The following TBPL1 variants were observed in gnomAD, a reference collection of about 807,000 sequenced individuals.
TBPL1 encodes TATA box-binding protein-like 1.
Under a neutral mutation model 22.1 loss-of-function variants are expected in TBPL1, and 4 were observed. The ratio of observed to expected loss-of-function variants is 0.18; its 90% CI spans 0.09 to 0.41. TBPL1 has a LOEUF of 0.41. Ranked by LOEUF, TBPL1 falls within the 10% of genes least tolerant of loss-of-function variation. TBPL1 has a pLI of 1.00. For synonymous variants in TBPL1, 64 were observed against 71.0 expected (o/e 0.90, Z 0.50); for missense variants, 115 against 222.3 (o/e 0.52, Z 3.07).
At position 133,983,866 on chromosome 6, in the gene TBPL1, A is replaced by G. The variant is rs998100211; in HGVS notation, c.283-510A>G. ...GAGAAATCCCAATTAGTTAGAAACA[A>G]ATTTATCACTCTATCCCCAGAAAGA... On this transcript the variant is annotated intron_variant, in intron 4 of 6. Coordinates refer to ENST00000237264, the MANE Select transcript of TBPL1 (RefSeq NM_004865.4). Among the ~76,000 whole-genome samples the G allele has an allele frequency of 8.5e-5, 13 of 152,344 alleles. No individual in the cohort carries two copies. The South Asian group carries it at 1.9e-3, about 22-fold the overall frequency.
chr6:133,957,156 C>CAT (rs1775941471), intron 1 of TBPL1, among the ~76,000 whole-genome samples: 1 of 151,920 alleles, frequency 6.6e-6, no homozygotes, highest in Non-Finnish European at 1.5e-5. Context: ...CTATGGATCC[C>CAT]ATTAAATGTT....
chr6:133,957,783 A>T (rs1473928014), intron 1 of TBPL1, among the ~76,000 whole-genome samples: 2 of 152,248 alleles, frequency 1.3e-5, no homozygotes, highest in Non-Finnish European at 1.5e-5. Context: ...AGTTAATACT[A>T]CTACTACGTT....
chr6:133,955,235 A>G (rs1775907275), intron 1 of TBPL1, among the ~76,000 whole-genome samples: 1 of 145,640 alleles, frequency 6.9e-6, no homozygotes, highest in African/African-American at 2.5e-5. Flanking sequence ...ACCCAGATCT[A>G]GTTTGCCGTT....
chr6:133,953,644 T>C (rs1775876698), intron 1 of TBPL1, among the ~76,000 whole-genome samples: 1 of 152,046 alleles, frequency 6.6e-6, no homozygotes, highest in South Asian at 2.1e-4. Flanking sequence ...CCGGGCGATA[T>C]TTGGGGATCT....
At chr6:133,964,115 T>G (rs953210722) in intron 1 of TBPL1, among the ~76,000 whole-genome samples, 2 of 152,164 alleles carry the variant, frequency 1.3e-5, no homozygotes, top group Non-Finnish European at 2.9e-5. Context: ...ACCCATTCTT[T>G]TACTTGTATA....
In TBPL1 at chr6:133,989,662, A is replaced by AT. The variant is rs1374283710; in HGVS notation, c.*2623dup. ...TTTTTATACAGATAATACACTGCAG[A>AT]TCCAGGCCTTTTAGTCAGTCTCCTG... On this transcript the variant is annotated 3_prime_UTR_variant, in exon 7 of 7. Transcript: ENST00000237264. 3 of 152,192 alleles carry AT rather than the reference A, an allele frequency of 2.0e-5. No homozygotes were observed. The highest frequency in any genetic ancestry group is 7.2e-5 in the African/African-American group (3 of 41,442). 9.4% of individuals were successfully genotyped at this position (152,192 alleles called of 1,614,324 possible). A position where few individuals can be genotyped will look rare whatever the true frequency, so the allele number is the denominator to read the frequency against.
intron 1 of TBPL1, among the ~76,000 whole-genome samples, chr6:133,975,142 T>C (rs1776291853): frequency 6.6e-6 from 1 of 152,168 alleles, no homozygotes; most frequent in Non-Finnish European, 1.5e-5. Flanking sequence ...ACTGATAGTT[T>C]GTTCTGAGAA....
At chr6:133,972,948 A>C (rs1449184078) in intron 1 of TBPL1, among the ~76,000 whole-genome samples, 1 of 152,196 alleles carries the variant, frequency 6.6e-6, no homozygotes, top group African/African-American at 2.4e-5. Context: ...CGGTTAGGTA[A>C]GTGGCCCAGT....
intron 1 of TBPL1, among the ~76,000 whole-genome samples, chr6:133,963,363 T>C (rs1179577964): frequency 6.6e-6 from 1 of 152,178 alleles, no homozygotes; most frequent in Non-Finnish European, 1.5e-5. Context: ...GTCAATTAAA[T>C]CTGTATTTGT....
At chr6:133,956,993 G>T (rs1217200923) in intron 1 of TBPL1, among the ~76,000 whole-genome samples, 1 of 152,158 alleles carries the variant, frequency 6.6e-6, no homozygotes, top group Non-Finnish European at 1.5e-5. Context: ...GATGGAGTTT[G>T]TGTATTTGTG....
rs1437035993 is a variant in TBPL1 at position 133,953,238 on chromosome 6, A to C, written c.-232A>C. 4.6e-5 allele frequency: 7 copies of C among 152,874 alleles called. No homozygotes were observed. The highest frequency in any genetic ancestry group is 1.3e-4 in the Admixed American group (2 of 15,294). The allele number at this position is 152,874 out of a possible 1,614,324, so 9.5% of individuals were successfully genotyped here. A position where few individuals can be genotyped will look rare whatever the true frequency, so the allele number is the denominator to read the frequency against. On this transcript the variant is annotated 5_prime_UTR_variant, in exon 1 of 7. Transcript: ENST00000237264. ...GCTGCGGCCGCCTCGCACCCGGAAC[A>C]ACAAAGCAAGGAAGACGGAGTCCGA...
intron 1 of TBPL1, among the ~76,000 whole-genome samples, chr6:133,967,355 T>C (rs1274415366): frequency 1.3e-5 from 2 of 152,238 alleles, no homozygotes. Flanking sequence ...AAGGTTAATA[T>C]TCTTTATATA....
intron 1 of TBPL1, among the ~76,000 whole-genome samples, chr6:133,976,850 G>A (rs1031384457): frequency 7.9e-5 from 12 of 151,956 alleles, no homozygotes; most frequent in African/African-American, 2.9e-4. Context: ...AGCTGAGCAT[G>A]GTGGTGGGTG....
At chr6:133,981,531 G>T (rs1357712674) in intron 2 of TBPL1, among the ~76,000 whole-genome samples, 1 of 152,158 alleles carries the variant, frequency 6.6e-6, no homozygotes, top group African/African-American at 2.4e-5. Context: ...GTGATGGTGA[G>T]AGACAATTAA....
chr6:133,952,851 T>C (rs557203269), upstream of TBPL1: 6 of 152,252 alleles, frequency 3.9e-5, no homozygotes, highest in East Asian at 1.2e-3. This position sits in a 1 kb window ranked among gnomAD's most constrained non-coding sequence, Gnocchi z 4.5. Context: ...TATTCGACTG[T>C]ATGCCAGAAA....
At chr6:133,953,864 C>G (rs779787480) in intron 1 of TBPL1, among the ~76,000 whole-genome samples, 1 of 152,164 alleles carries the variant, frequency 6.6e-6, no homozygotes, top group East Asian at 1.9e-4. Flanking sequence ...AGAAAACTTA[C>G]AGCGGCTTCT....
At chr6:133,986,909 G>A in intron 6 of TBPL1, 52 bp from the exon 7 acceptor site, 1 of 1,282,174 alleles carries the variant, frequency 7.8e-7, no homozygotes, top group Non-Finnish European at 1.1e-6. Flanking sequence ...GTTTTTCCTA[G>A]TGCTCCCTTT....
At chr6:133,961,853 A>G (rs1017909994) in intron 1 of TBPL1, among the ~76,000 whole-genome samples, 2 of 152,066 alleles carry the variant, frequency 1.3e-5, no homozygotes, top group African/African-American at 2.4e-5. Flanking sequence ...CGTTTCCTTT[A>G]TAACATAGAT....
At chr6:133,977,424 C>T (rs6569920) in intron 1 of TBPL1, among the ~76,000 whole-genome samples, 97,043 of 151,912 alleles carry the variant, frequency 0.64, 31,913 homozygotes, top group African/African-American at 0.74. Context: ...TTCTTTACCC[C>T]TTTTTTTCTT....
Sources: gnomAD v4.1 joint callset for allele counts (sites outside exome capture counted in the v4.1 genomes callset) on GRCh38, gnomAD v4.1.1 for gene constraint, Gnocchi (gnomAD v3.1) non-coding constraint, MANE v1.5 for transcripts, NCBI Gene and HGNC (gene_info 2026-07-23, HGNC 2026-07-21) for gene names.